Variants in CHD7 observed in about 807,000 individuals in gnomAD.
The protein encoded by CHD7 is chromodomain helicase DNA binding protein 7.
A neutral mutation model predicts 307.3 loss-of-function variants in CHD7; 24 were observed. The observed-to-expected ratio is 0.08, with a 90% CI of 0.06 to 0.11. The LOEUF is 0.11. Ranked by LOEUF, CHD7 falls within the 10% of genes least tolerant of loss-of-function variation. CHD7 has a pLI of 1.00. For missense variants in CHD7, 3,106 were observed against 3,727.1 expected, an observed-to-expected ratio of 0.83 and a Z score of 4.34; for synonymous variants, 1,363 against 1,349.9, an observed-to-expected ratio of 1.01 and a Z score of -0.21.
Position 60,849,039 on chromosome 8 carries a change from G to A in CHD7, c.5301-12G>A, listed in dbSNP as rs747763684. On this transcript the variant is annotated splice_polypyrimidine_tract_variant and intron_variant, in intron 24 of 37. Coordinates refer to ENST00000423902, the MANE Select transcript of CHD7 (RefSeq NM_017780.4). ...TTTAATACTAATATTTCTTATAAAT[G>A]TTGTCTTTCAGTGAAGCCGATGTGT... The A allele has an allele frequency of 4.4e-6, 7 of 1,596,514 alleles. 1 individual carries two copies. The highest frequency in any genetic ancestry group is 3.3e-5 in the South Asian group (3 of 90,730).
At chr8:60,852,433 A>G in intron 29 of CHD7, 65 bp from the exon 30 acceptor site, 2 of 1,470,490 alleles carry the variant, frequency 1.4e-6, no homozygotes, top group Admixed American at 4.1e-5. Flanking sequence ...GGAAGAAGAA[A>G]AGAAACAGTA....
At chr8:60,739,036 C>T (rs1237031312) in intron 1 of CHD7, among the ~76,000 whole-genome samples, 1 of 152,166 alleles carries the variant, frequency 6.6e-6, no homozygotes, top group Non-Finnish European at 1.5e-5. Flanking sequence ...TTCATCGCCA[C>T]TTCTCCAAGC....
chr8:60,730,553 A>G (rs1191049058), intron 1 of CHD7, among the ~76,000 whole-genome samples: 4 of 152,172 alleles, frequency 2.6e-5, no homozygotes, highest in Non-Finnish European at 5.9e-5. Context: ...CCTGCGGTCA[A>G]CTTTGGTATA....
chr8:60,778,541 A>G (rs116905673), intron 2 of CHD7, among the ~76,000 whole-genome samples: 79 of 152,296 alleles, frequency 5.2e-4, no homozygotes, highest in Non-Finnish European at 8.7e-4. Flanking sequence ...GTGCTGGGGA[A>G]TCTCTCATTA....
chr8:60,794,796 T>G (rs768633892), intron 3 of CHD7, among the ~76,000 whole-genome samples, 190 bp from the exon 4 acceptor site: 1 of 152,218 alleles, frequency 6.6e-6, no homozygotes, highest in Non-Finnish European at 1.5e-5. Context: ...AGGTCATATA[T>G]TTGCTAAAAG....
intron 7 of CHD7, among the ~76,000 whole-genome samples, chr8:60,810,182 AC>A (rs1332927962): frequency 6.6e-6 from 1 of 152,148 alleles, no homozygotes; most frequent in East Asian, 1.9e-4. Flanking sequence ...GCTTTCTGGC[AC>A]CAGAGGATGT....
chr8:60,679,217 G>C (rs1042324508), intron 1 of CHD7, 135 bp downstream of exon 1: 1 of 150,468 alleles, frequency 6.6e-6, no homozygotes, highest in Non-Finnish European at 1.5e-5. Flanking sequence ...GGCGAGGGGC[G>C]AGGGGCGAGG....
intron 19 of CHD7, among the ~76,000 whole-genome samples, chr8:60,840,625 C>T (rs1315914113): frequency 2.7e-5 from 4 of 145,934 alleles, no homozygotes. Flanking sequence ...GAATATGTTT[C>T]TTTTTTTTTT....
chr8:60,849,010 C>A (rs1306905450), intron 24 of CHD7, 41 bp from the exon 25 acceptor site: 1 of 1,480,052 alleles, frequency 6.8e-7, no homozygotes, highest in Non-Finnish European at 9.4e-7. Flanking sequence ...ACTTGGAATT[C>A]TTTTTTAATA....
intron 7 of CHD7, among the ~76,000 whole-genome samples, chr8:60,814,146 C>T (rs1278610818): frequency 1.3e-5 from 2 of 152,150 alleles, no homozygotes; most frequent in African/African-American, 2.4e-5. Flanking sequence ...ACAAAGCAGT[C>T]GTATTTTTGA....
intron 1 of CHD7, among the ~76,000 whole-genome samples, chr8:60,691,768 A>G (rs1465181441): frequency 6.6e-6 from 1 of 152,246 alleles, no homozygotes; most frequent in African/African-American, 2.4e-5. Context: ...GGACCGAGGT[A>G]ACTTTCTTAC....
intron 2 of CHD7, among the ~76,000 whole-genome samples, chr8:60,758,752 G>A (rs1435113361): frequency 6.6e-6 from 1 of 152,128 alleles, no homozygotes; most frequent in Non-Finnish European, 1.5e-5. Flanking sequence ...TTGCGCGAGC[G>A]CTCTTCTTGG....
At chr8:60,795,291 C>T (rs1415556059) in intron 4 of CHD7, among the ~76,000 whole-genome samples, 164 bp downstream of exon 4, 4 of 152,176 alleles carry the variant, frequency 2.6e-5, no homozygotes, top group South Asian at 2.1e-4. Context: ...GGAGGGGGAG[C>T]GGGCGTGGAA....
intron 23 of CHD7, among the ~76,000 whole-genome samples, chr8:60,845,907 C>G (rs1040436266): frequency 2.6e-5 from 4 of 152,226 alleles, no homozygotes; most frequent in African/African-American, 9.6e-5. Context: ...AATCACCATT[C>G]TACTTTCTGT....
chr8:60,805,609 G>A (rs1322582083), intron 6 of CHD7, among the ~76,000 whole-genome samples: 1 of 152,138 alleles, frequency 6.6e-6, no homozygotes, highest in African/African-American at 2.4e-5. Context: ...AGAGCTTTCT[G>A]GGAACAGACT....
At chr8:60,768,848 G>T (rs1810587403) in intron 2 of CHD7, among the ~76,000 whole-genome samples, 1 of 151,692 alleles carries the variant, frequency 6.6e-6, no homozygotes, top group African/African-American at 2.4e-5. Context: ...AAAAAAACCT[G>T]CACTCCTTTG....
chr8:60,798,501 ATAAACT>A (rs970937778), intron 4 of CHD7, among the ~76,000 whole-genome samples: 2 of 152,206 alleles, frequency 1.3e-5, no homozygotes, highest in African/African-American at 2.4e-5. Flanking sequence ...CAGGGAGAAC[ATAAACT>A]TAAGATTAAA....
rs2150761332 is a variant in CHD7, at chr8:60,828,786, G to A, written c.3502G>A (p.Asp1168Asn). The A allele has an allele frequency of 6.2e-7, 1 of 1,613,472 alleles. No homozygotes were observed. The highest frequency in any genetic ancestry group is 8.5e-7 in the Non-Finnish European group (1 of 1,179,612). ...SETTFMQEFGDLKTEEQVQKL... is the reference protein window; with the variant it reads ...SETTFMQEFGNLKTEEQVQKL... ...AACCACATTTATGCAAGAATTTGGT[G>A]ATCTAAAAACAGAAGAGCAGGTATT... Residue 1168 changes from aspartate to asparagine, a missense_variant, in exon 14 of 38, where the codon GAT becomes AAT. By Grantham distance (23) the Asp-to-Asn change is conservative (BLOSUM62 1). Coordinates refer to ENST00000423902, the MANE Select transcript of CHD7 (RefSeq NM_017780.4).
intron 24 of CHD7, 140 bp downstream of exon 24, chr8:60,848,744 C>A (rs1805321079): frequency 1.4e-6 from 1 of 728,184 alleles, no homozygotes; most frequent in Non-Finnish European, 2.4e-6. Flanking sequence ...AGTATTTGTC[C>A]TTCGTGCTTG....
Sources: allele counts gnomAD v4.1 joint callset (sites outside exome capture counted in the v4.1 genomes callset), GRCh38; gene constraint gnomAD v4.1.1; transcripts MANE v1.5; gene names NCBI Gene and HGNC (gene_info 2026-07-23, HGNC 2026-07-21).